LPP: variants seen among roughly 807,000 people sequenced by gnomAD.
The protein encoded by LPP is LIM domain containing preferred translocation partner in lipoma.
LPP carries 38 observed loss-of-function variants against 60.4 expected under a neutral mutation model. That is an observed-to-expected ratio of 0.63 (90% CI 0.49 to 0.83). The LOEUF is 0.83. LPP is among the 40% of genes least tolerant of loss of function. LPP has a pLI of 0.00. For synonymous variants in LPP, 328 were observed against 290.8 expected (o/e 1.13, Z -1.30); for missense variants, 902 against 783.6 (o/e 1.15, Z -1.80).
chr3:188,592,556 TG>T (rs1839020886), intron 6 of LPP, among the ~76,000 whole-genome samples: 1 of 120,518 alleles, frequency 8.3e-6, no homozygotes, highest in Admixed American at 8.3e-5. Context: ...GTTTTGTTTT[TG>T]TTTTTTAAAT....
intron 2 of LPP, among the ~76,000 whole-genome samples, chr3:188,236,066 G>A (rs1028185353): frequency 1.3e-5 from 2 of 152,008 alleles, no homozygotes; most frequent in East Asian, 3.9e-4. Flanking sequence ...TCCAGGTGAT[G>A]GGACTAGAAC....
intron 1 of LPP, among the ~76,000 whole-genome samples, chr3:188,177,811 T>C (rs1315756877): frequency 6.6e-6 from 1 of 152,052 alleles, no homozygotes; most frequent in Non-Finnish European, 1.5e-5. Flanking sequence ...GAATGAGGGC[T>C]GGAGAGATGG....
chr3:188,556,084 C>T (rs1829399454), intron 6 of LPP, among the ~76,000 whole-genome samples: 1 of 152,046 alleles, frequency 6.6e-6, no homozygotes, highest in African/African-American at 2.4e-5. Context: ...GGATCAAATG[C>T]CATGAGGATT....
chr3:188,614,254 G>A (rs949610794), intron 7 of LPP, among the ~76,000 whole-genome samples: 6 of 152,090 alleles, frequency 3.9e-5, no homozygotes, highest in African/African-American at 1.2e-4. Flanking sequence ...AAAAGAGAAA[G>A]TTATATACAT....
intron 9 of LPP, among the ~76,000 whole-genome samples, chr3:188,838,931 T>C (rs192962313): frequency 6.6e-6 from 1 of 152,122 alleles, no homozygotes; most frequent in Non-Finnish European, 1.5e-5. Context: ...AAAACCTAGA[T>C]GACAGGTTGA....
intron 4 of LPP, among the ~76,000 whole-genome samples, chr3:188,418,210 C>T (rs949677472): frequency 2.0e-5 from 3 of 152,132 alleles, no homozygotes; most frequent in African/African-American, 7.2e-5. Context: ...GTAGAAGTCA[C>T]ATTTGACCAA....
At position 188,348,304 on chromosome 3, in the gene LPP, G is replaced by A. The variant is rs148764810; in HGVS notation, c.-10+6585G>A. ...TGGGATTACAGGCATGAGCCACCAC[G>A]CCCAGCTAATTTTTTGTATTTTTAG... On this transcript the variant is annotated intron_variant, in intron 3 of 11. Transcript: ENST00000617246. Among the ~76,000 whole-genome samples, 46 of 152,084 alleles carry A rather than the reference G, an allele frequency of 3.0e-4. No individual in the cohort carries two copies. The East Asian group carries it at 7.4e-3, about 24-fold the overall frequency.
At chr3:188,473,459 T>C (rs1021573834) in intron 4 of LPP, among the ~76,000 whole-genome samples, 1 of 152,208 alleles carries the variant, frequency 6.6e-6, no homozygotes. Context: ...AGGTCAATGA[T>C]TCTTAACCAG....
intron 5 of LPP, 53 bp from the exon 6 acceptor site, chr3:188,524,612 A>G (rs1261727346): frequency 1.9e-6 from 3 of 1,552,894 alleles, no homozygotes; most frequent in Non-Finnish European, 2.6e-6. Context: ...TTGAACTTAT[A>G]ATGATATCAA....
chr3:188,632,203 T>C (rs1170871873), intron 7 of LPP, among the ~76,000 whole-genome samples: 1 of 152,160 alleles, frequency 6.6e-6, no homozygotes, highest in Non-Finnish European at 1.5e-5. Context: ...CTAGACCCCA[T>C]GTTGAAGAAT....
At chr3:188,797,122 C>CCTCCTCCTT (rs1454704309) in intron 9 of LPP, among the ~76,000 whole-genome samples, 2 of 151,248 alleles carry the variant, frequency 1.3e-5, no homozygotes, top group African/African-American at 4.9e-5. Flanking sequence ...TTCCCCTCCT[C>CCTCCTCCTT]CTCCTCCTCC....
intron 6 of LPP, among the ~76,000 whole-genome samples, chr3:188,541,730 C>G (rs1825238609): frequency 6.6e-6 from 1 of 151,996 alleles, no homozygotes; most frequent in Admixed American, 6.6e-5. Flanking sequence ...AATTCTCTTT[C>G]TAATAAAAAT....
chr3:188,362,549 T>C (rs77311113), intron 3 of LPP, among the ~76,000 whole-genome samples: 2,211 of 152,330 alleles, frequency 0.015, 52 homozygotes, highest in African/African-American at 0.049. Context: ...CCTTAGCTTT[T>C]GTTTTTATTT....
At chr3:188,763,724 A>T (rs1421363674) in intron 9 of LPP, among the ~76,000 whole-genome samples, 1 of 152,104 alleles carries the variant, frequency 6.6e-6, no homozygotes, top group African/African-American at 2.4e-5. Context: ...ACTTCATTTT[A>T]AAACCATTTG....
intron 5 of LPP, among the ~76,000 whole-genome samples, chr3:188,494,886 A>T (rs191377726): frequency 3.3e-5 from 5 of 151,462 alleles, no homozygotes; most frequent in African/African-American, 1.2e-4. Flanking sequence ...CACATAAAGA[A>T]TATTTTATGT....
chr3:188,452,243 C>T (rs533052185), intron 4 of LPP, among the ~76,000 whole-genome samples: 3 of 152,256 alleles, frequency 2.0e-5, no homozygotes, highest in African/African-American at 4.8e-5. Context: ...AATATCCCTC[C>T]GTATCCTTCT....
At position 188,452,382 on chromosome 3, in the gene LPP, T is replaced by C. The variant is rs139029306; in HGVS notation, c.194-32210T>C. ...GCTGACTGGCCCCCACCTCCTCTTG[T>C]TTCCTTTCTCCCCAGAAAGGCCTCA... is the stretch of plus-strand genomic sequence containing the variant. On this transcript the variant is annotated intron_variant, in intron 4 of 11. Coordinates refer to ENST00000617246, the MANE Select transcript of LPP (RefSeq NM_001375462.1). Among the ~76,000 whole-genome samples the C allele has an allele frequency of 1.1e-4, 17 of 152,192 alleles. 1 individual carries two copies. In the East Asian group the frequency reaches 3.3e-3, roughly 30 times the overall value.
intron 5 of LPP, among the ~76,000 whole-genome samples, chr3:188,512,338 G>A (rs572828952): frequency 3.3e-5 from 5 of 152,114 alleles, no homozygotes; most frequent in East Asian, 1.9e-4. Context: ...CGGGTGGATC[G>A]CCTGAGGTCA....
intron 5 of LPP, among the ~76,000 whole-genome samples, chr3:188,499,325 A>T (rs1204230918): frequency 6.6e-6 from 1 of 152,110 alleles, no homozygotes; most frequent in Non-Finnish European, 1.5e-5. Flanking sequence ...GAAAGAGTCC[A>T]CCCTTACTCT....
Sources: allele counts gnomAD v4.1 joint callset (sites outside exome capture counted in the v4.1 genomes callset), GRCh38; gene constraint gnomAD v4.1.1; transcripts MANE v1.5; gene names NCBI Gene and HGNC (gene_info 2026-07-23, HGNC 2026-07-21).